CEP192: variants seen among roughly 807,000 people sequenced by gnomAD.
The protein encoded by CEP192 is centrosomal protein 192, also known as centrosomal protein of 192 kDa.
A neutral mutation model predicts 271.8 loss-of-function variants in CEP192; 151 were observed. That is an observed-to-expected ratio of 0.56 (90% CI 0.49 to 0.64). The LOEUF is 0.64. CEP192 is among the 30% of genes least tolerant of loss of function. CEP192 has a pLI of 0.00. For missense variants in CEP192, 2,910 were observed against 3,020.5 expected (o/e 0.96, Z 0.86); for synonymous variants, 995 against 1,076.5 (o/e 0.92, Z 1.48).
chr18:13,087,235 G>A lies in CEP192; in HGVS notation c.5835G>A (p.Arg1945=). 1 of 1,610,390 alleles carries A rather than the reference G, an allele frequency of 6.2e-7. No homozygotes were observed. Among genetic ancestry groups the A allele is most frequent in the Non-Finnish European group, 8.5e-7 (1 of 1,176,936 alleles). Residue 1945 remains arginine, a synonymous_variant, in exon 31 of 45, where the codon AGG becomes AGA. Transcript: ENST00000506447. ...KKVLLDPKVL[R]IFPDKFVLKE... is the part of the protein sequence containing the mutation. ...TTTTGCTGGATCCTAAAGTATTGAGGATTTTTCCAGATAAATTTGTACTCA... is the reference window on the plus strand; with the variant it reads ...TTTTGCTGGATCCTAAAGTATTGAGAATTTTTCCAGATAAATTTGTACTCA...
In CEP192 at chr18:13,068,022, T is replaced by A. The variant is rs2071393023; in HGVS notation, c.4614+66T>A. 11 of 1,602,728 alleles carry A rather than the reference T, an allele frequency of 6.9e-6. No individual in the cohort carries two copies. The Admixed American group carries it at 1.7e-4, about 25-fold the overall frequency. On this transcript the variant is annotated intron_variant, in intron 22 of 44. Coordinates refer to ENST00000506447, the MANE Select transcript of CEP192 (RefSeq NM_032142.4). ...ACTGATCTTATGAAAGTACATTTTT[T>A]TAAGGATTTTGTTAGCAAACTTAGC... is the stretch of plus-strand genomic sequence containing the variant.
At chr18:12,999,632 T>C (rs757244284) in intron 2 of CEP192, 44 bp downstream of exon 2, 4 of 1,356,930 alleles carry the variant, frequency 2.9e-6, no homozygotes, top group Non-Finnish European at 3.9e-6. Context: ...CCATAAAGCC[T>C]ATAGCATGCT....
At chr18:13,051,337 C>T (rs559457292) in intron 17 of CEP192, among the ~76,000 whole-genome samples, 3 of 152,014 alleles carry the variant, frequency 2.0e-5, no homozygotes, top group East Asian at 3.9e-4. Context: ...GAACATTTTC[C>T]GTGCTGTATC....
At chr18:13,073,665 G>A (rs2038125634) in intron 30 of CEP192, among the ~76,000 whole-genome samples, 1 of 152,216 alleles carries the variant, frequency 6.6e-6, no homozygotes, top group African/African-American at 2.4e-5. Context: ...ACCAGCAGAT[G>A]CGGCATCTGG....
intron 36 of CEP192, among the ~76,000 whole-genome samples, chr18:13,099,041 G>A (rs1448567854): frequency 7.9e-5 from 12 of 152,240 alleles, no homozygotes; most frequent in Admixed American, 3.9e-4. Context: ...CCAGTCAGGC[G>A]TGGCAGCGCG....
Position 13,069,634 on chromosome 18 carries a change from A to G in CEP192, c.5056-104A>G, listed in dbSNP as rs946066076. On this transcript the variant is annotated intron_variant, in intron 26 of 44. Coordinates refer to ENST00000506447, the MANE Select transcript of CEP192 (RefSeq NM_032142.4). ...CGTGACAGACAAGAAGGGGACAAAC[A>G]ACCTGTCCTGGTAAATGAGAAACGC... is the stretch of plus-strand genomic sequence containing the variant. 54 of 706,790 alleles carry G rather than the reference A, an allele frequency of 7.6e-5. No homozygotes were observed. The African/African-American group carries it at 9.3e-4, about 12-fold the overall frequency. The allele number at this position is 706,790 out of a possible 1,614,324, so 43.8% of individuals were successfully genotyped here. A position where few individuals can be genotyped will look rare whatever the true frequency, so the allele number is the denominator to read the frequency against.
rs572909875 is a variant in CEP192, at chr18:13,059,127, A to G, written c.4303A>G (p.Ile1435Val). 6.2e-6 allele frequency: 10 copies of G among 1,614,150 alleles called. No homozygotes were observed. Among genetic ancestry groups the G allele is most frequent in the East Asian group, 4.5e-5 (2 of 44,884 alleles). ...YRCLVFKNKA[I>V]IRPHATEEIK... is the part of the protein sequence containing the mutation. ...TTGTTTAGTTTTCAAGAATAAAGCC[A>G]TCATAAGACCTCATGCCACAGAAGA... The change falls in exon 21 of 45, where the codon ATC becomes GTC. Residue 1435 changes from isoleucine to valine, a missense_variant. By Grantham distance (29) the Ile-to-Val change is conservative. Coordinates refer to ENST00000506447, the MANE Select transcript of CEP192 (RefSeq NM_032142.4).
chr18:13,057,930 C>A, intron 20 of CEP192, 197 bp downstream of exon 20: 1 of 367,348 alleles, frequency 2.7e-6, no homozygotes, highest in Non-Finnish European at 4.8e-6. Context: ...CATTTTCCAT[C>A]ATTTATTATT....
intron 18 of CEP192, among the ~76,000 whole-genome samples, chr18:13,054,809 C>T (rs1297904215): frequency 2.0e-5 from 3 of 152,194 alleles, no homozygotes; most frequent in Non-Finnish European, 4.4e-5. Context: ...GTGAAGGTTA[C>T]GTCTATCTAG....
chr18:13,018,713 T>C, intron 8 of CEP192, 98 bp downstream of exon 8: 1 of 846,556 alleles, frequency 1.2e-6, no homozygotes, highest in Non-Finnish European at 1.7e-6. Context: ...TAGCATATAT[T>C]AACTCTTCTA....
chr18:13,092,662 T>A (rs1310890966), intron 34 of CEP192, 135 bp downstream of exon 34: 2 of 700,284 alleles, frequency 2.9e-6, no homozygotes, highest in Non-Finnish European at 4.6e-6. Flanking sequence ...ATTTTAAAAT[T>A]TAAGTTGAAA....
rs764728402 is a variant in CEP192, at chr18:13,056,690, C to T, written c.4100C>T (p.Ser1367Leu). The T allele has an allele frequency of 6.3e-6, 10 of 1,595,424 alleles. No homozygotes were observed. In the East Asian group the frequency reaches 2.2e-4, roughly 36 times the overall value. Residue 1367 changes from serine to leucine, a missense_variant, in exon 19 of 45, where the codon TCA becomes TTA. Ser to Leu is a moderately radical substitution (Grantham distance 145, BLOSUM62 -2). Transcript: ENST00000506447. The part of the protein sequence containing the change: ...GIEPWDSGVT[S>L]GLGSVRVPEE... ...GAACCATGGGATTCAGGAGTGACATCAGGATTGGGTAAGATGCTTTTTCTC... is the reference window on the plus strand; with the variant it reads ...GAACCATGGGATTCAGGAGTGACATTAGGATTGGGTAAGATGCTTTTTCTC...
intron 26 of CEP192, 21 bp downstream of exon 26, chr18:13,069,202 G>T (rs1232630490): frequency 1.3e-6 from 2 of 1,586,582 alleles, no homozygotes; most frequent in African/African-American, 2.7e-5. Flanking sequence ...CCATGAGAGT[G>T]CCATAAGATA....
At position 13,116,314 on chromosome 18, in the gene CEP192, TA is replaced by T. The variant is rs890230062; in HGVS notation, c.7290-58del. On this transcript the variant is annotated intron_variant, in intron 42 of 44. Coordinates refer to ENST00000506447, the MANE Select transcript of CEP192 (RefSeq NM_032142.4). ...TGCAATACTACATAATTTTAATATA[TA>T]AAAACAGTTTAAGTTACTGTGGATT... 4.7e-6 allele frequency: 7 copies of T among 1,503,302 alleles called. No individual in the cohort carries two copies. In the African/African-American group the frequency reaches 7.1e-5, roughly 15 times the overall value. 93.1% of individuals were successfully genotyped at this position (1,503,302 alleles called of 1,614,324 possible).
At chr18:13,000,750 T>C (rs2145794857) in intron 2 of CEP192, among the ~76,000 whole-genome samples, 1 of 152,254 alleles carries the variant, frequency 6.6e-6, no homozygotes, top group South Asian at 2.1e-4. Flanking sequence ...AGTTCAGGAG[T>C]TCGAGACCAG....
At chr18:13,120,580 C>T (rs2040615169) in intron 44 of CEP192, among the ~76,000 whole-genome samples, 1 of 152,152 alleles carries the variant, frequency 6.6e-6, no homozygotes, top group Non-Finnish European at 1.5e-5. Context: ...AATAGTATTG[C>T]AAGGTGCATA....
At chr18:13,109,700 G>A (rs1368496467) in intron 40 of CEP192, among the ~76,000 whole-genome samples, 1 of 151,984 alleles carries the variant, frequency 6.6e-6, no homozygotes, top group African/African-American at 2.4e-5. Context: ...AGAAAAAAAA[G>A]TTCTAAAGCA....
chr18:13,083,293 A>G (rs1472600269), intron 30 of CEP192, among the ~76,000 whole-genome samples: 2 of 152,264 alleles, frequency 1.3e-5, no homozygotes, highest in Non-Finnish European at 2.9e-5. Flanking sequence ...ACATAGTCCC[A>G]TATTTCTTGG....
rs570607497 is a variant in CEP192 at position 13,088,014 on chromosome 18, T to A, written c.5993+368T>A. Reference sequence around the variant, plus strand: ...AGATTTAAGAACTACTGAATGATTATATTGTATAAACACAGATGACTAGTT... The same window carrying A: ...AGATTTAAGAACTACTGAATGATTAAATTGTATAAACACAGATGACTAGTT... On this transcript the variant is annotated intron_variant, in intron 32 of 44. Coordinates refer to ENST00000506447, the MANE Select transcript of CEP192 (RefSeq NM_032142.4). Among the ~76,000 whole-genome samples, 7 of 152,348 alleles carry A rather than the reference T, an allele frequency of 4.6e-5. No homozygotes were observed. The South Asian group carries it at 1.2e-3, about 27-fold the overall frequency.
Sources: gnomAD v4.1 joint callset for allele counts (sites outside exome capture counted in the v4.1 genomes callset) on GRCh38, gnomAD v4.1.1 for gene constraint, MANE v1.5 for transcripts, NCBI Gene and HGNC (gene_info 2026-07-23, HGNC 2026-07-21) for gene names.